The following MYH9 variants were observed in gnomAD, a reference collection of about 807,000 sequenced individuals.
MYH9 encodes myosin heavy chain 9.
Under a neutral mutation model 241.9 loss-of-function variants are expected in MYH9, and 29 were observed. The ratio of observed to expected loss-of-function variants is 0.12; its 90% CI spans 0.09 to 0.16. The LOEUF (loss-of-function observed/expected upper bound fraction) is 0.16, where lower values mean the gene tolerates loss of function less well. Among genes scored for constraint, MYH9 ranks in the 10% least tolerant of loss-of-function variants. MYH9 has a pLI of 1.00. For missense variants in MYH9, 1,803 were observed against 2,595.5 expected (o/e 0.69, Z 6.63); for synonymous variants, 1,047 against 1,062.6 (o/e 0.99, Z 0.29).
chr22:36,284,310 G>A (rs1374945475), intron 39 of MYH9, 45 bp from the exon 40 acceptor site: 2 of 1,604,414 alleles, frequency 1.2e-6, no homozygotes, highest in South Asian at 1.1e-5. Context: ...TAGGGGCTCT[G>A]GGCGTGCAGC....
At chr22:36,303,843 A>G (rs2016927402) in intron 19 of MYH9, 152 bp downstream of exon 19, 2 of 703,722 alleles carry the variant, frequency 2.8e-6, no homozygotes, top group Admixed American at 5.5e-5. Flanking sequence ...CCTCAAAGGT[A>G]GAAATCCAGG....
In MYH9 at chr22:36,300,009, C is replaced by A; in HGVS notation, c.2976+118G>T. 1 of 1,436,488 alleles carries A rather than the reference C, an allele frequency of 7.0e-7. No individual in the cohort carries two copies. Among genetic ancestry groups the A allele is most frequent in the Non-Finnish European group, 9.7e-7 (1 of 1,034,644 alleles). 89.0% of individuals were successfully genotyped at this position (1,436,488 alleles called of 1,614,324 possible). A position where few individuals can be genotyped will look rare whatever the true frequency, so the allele number is the denominator to read the frequency against. Reference sequence around the variant, plus strand: ...TTGCAGTTAAGCAGAAGCCCTCATGCTGCAGGCAGAAGAGACAGGAAGCAG... The same window carrying A: ...TTGCAGTTAAGCAGAAGCCCTCATGATGCAGGCAGAAGAGACAGGAAGCAG... On this transcript the variant is annotated intron_variant, in intron 23 of 40. Transcript: ENST00000216181. The surrounding 1 kb of genome is among the most constrained non-coding windows in gnomAD (Gnocchi z 5.0).
chr22:36,313,792 C>T (rs2146356373), intron 13 of MYH9, among the ~76,000 whole-genome samples: 1 of 152,304 alleles, frequency 6.6e-6, no homozygotes, highest in East Asian at 1.9e-4. Flanking sequence ...CCATGCATGG[C>T]TGTTTCTTTA....
Position 36,318,767 on chromosome 22 carries a change from CT to C in MYH9, c.1109-443del, listed in dbSNP as rs993771157. On this transcript the variant is annotated intron_variant, in intron 10 of 40. Transcript: ENST00000216181. The stretch of plus-strand genomic sequence containing the variant: ...ACAGCACAGGATCCCACAGGAATGT[CT>C]TTTTTTTTTTTTGAGACGGCGTCTT... Among the ~76,000 whole-genome samples, 245 of 145,678 alleles carry C rather than the reference CT, an allele frequency of 1.7e-3. 1 individual carries two copies. Among genetic ancestry groups the C allele is most frequent in the South Asian group, 1.9e-3 (9 of 4,620 alleles).
intron 19 of MYH9, 86 bp downstream of exon 19, chr22:36,303,909 G>T (rs1435862955): frequency 3.3e-6 from 5 of 1,511,296 alleles, no homozygotes; most frequent in African/African-American, 1.4e-5. Flanking sequence ...ACTGGCTGCA[G>T]CGGGGTGGCC....
rs1260647757 is a variant in MYH9 at position 36,306,889 on chromosome 22, A to G, written c.1844-282T>C. 1.3e-5 allele frequency among the ~76,000 whole-genome samples: 2 copies of G among 152,158 alleles called. No individual in the cohort carries two copies. Among genetic ancestry groups the G allele is most frequent in the African/African-American group, 4.8e-5 (2 of 41,432 alleles). ...GTCACCTATCTTCAGCCACTCTCGA[A>G]GCTCTTATTTCCAAAAAGACTCAAT... On this transcript the variant is annotated intron_variant, in intron 15 of 40. Coordinates refer to ENST00000216181, the MANE Select transcript of MYH9 (RefSeq NM_002473.6). The surrounding 1 kb of genome is among the most constrained non-coding windows in gnomAD (Gnocchi z 4.1).
Position 36,284,005 on chromosome 22 carries a change from G to A in MYH9, c.5765+88C>T, listed in dbSNP as rs2016535922. ...GTGCAGTCCTTTCTTGGTGACATTC[G>A]TGCCTTGCTTGTGGGCTCTGGTTGA... On this transcript the variant is annotated intron_variant, in intron 40 of 40. Transcript: ENST00000216181. 9.9e-6 allele frequency: 15 copies of A among 1,509,270 alleles called. 1 individual carries two copies. In the Middle Eastern group the frequency reaches 5.1e-4, roughly 51 times the overall value. 93.5% of individuals were successfully genotyped at this position (1,509,270 alleles called of 1,614,324 possible). A position where few individuals can be genotyped will look rare whatever the true frequency, so the allele number is the denominator to read the frequency against.
Position 36,385,553 on chromosome 22 carries a change from T to C in MYH9, c.-20+2254A>G, listed in dbSNP as rs150849160. On this transcript the variant is annotated intron_variant, in intron 1 of 40. Transcript: ENST00000216181. ...AGAAGTTGTCCCATCTCCAACCCCT[T>C]AGGTTAAAAAGTTTAAAAATAAAAG... is the stretch of plus-strand genomic sequence containing the variant. 3.3e-4 allele frequency among the ~76,000 whole-genome samples: 50 copies of C among 152,236 alleles called. No homozygotes were observed. The East Asian group carries it at 8.5e-3, about 26-fold the overall frequency.
intron 1 of MYH9, among the ~76,000 whole-genome samples, chr22:36,379,382 G>A (rs1445795950): frequency 5.9e-5 from 9 of 152,214 alleles, no homozygotes; most frequent in Non-Finnish European, 1.0e-4. Flanking sequence ...GGTGGCGGGT[G>A]CCTGTAGTCC....
At position 36,361,350 on chromosome 22, in the gene MYH9, C is replaced by T. The variant is rs187838123; in HGVS notation, c.-19-12095G>A. Among the ~76,000 whole-genome samples, 35 of 152,194 alleles carry T rather than the reference C, an allele frequency of 2.3e-4. 1 individual carries two copies. The East Asian group carries it at 5.8e-3, about 25-fold the overall frequency. On this transcript the variant is annotated intron_variant, in intron 1 of 40. Coordinates refer to ENST00000216181, the MANE Select transcript of MYH9 (RefSeq NM_002473.6). ...AGGTTCTGCCTTTGCCTCCTTGAAG[C>T]GGGCATGGAGGGGGGCTCAGGTGAC...
intron 25 of MYH9, 134 bp downstream of exon 25, chr22:36,296,709 G>C (rs925136110): frequency 1.9e-6 from 2 of 1,041,000 alleles, no homozygotes; most frequent in African/African-American, 3.2e-5. Flanking sequence ...GTTTTGCTAT[G>C]AAATAAATGG....
chr22:36,282,782 G>A lies in MYH9; in HGVS notation c.5769C>T (p.Arg1923=), dbSNP rs370834297. Residue 1923 remains arginine (R), a synonymous_variant, in exon 41 of 41, where the codon CGC becomes CGT. Transcript: ENST00000216181. Reference sequence around the variant, plus strand: ...GGGGCACGACAAACGGCAGGTCCCCGCGCCTGGGGGCAGAGGTAGAAGCAG... The same window carrying A: ...GGGGCACGACAAACGGCAGGTCCCCACGCCTGGGGGCAGAGGTAGAAGCAG... ...EVSSLKNKLR[R]GDLPFVVPRR... 23 of 1,608,736 alleles carry A rather than the reference G, an allele frequency of 1.4e-5. No individual in the cohort carries two copies. The highest frequency in any genetic ancestry group is 4.5e-5 in the East Asian group (2 of 44,876).
At chr22:36,367,887 A>C (rs2018034523) in intron 1 of MYH9, among the ~76,000 whole-genome samples, 1 of 152,220 alleles carries the variant, frequency 6.6e-6, no homozygotes, top group African/African-American at 2.4e-5. Context: ...AGATGGGTGC[A>C]TACAGACTTG....
intron 1 of MYH9, among the ~76,000 whole-genome samples, chr22:36,361,405 G>T (rs916725104): frequency 6.6e-6 from 1 of 152,164 alleles, no homozygotes; most frequent in Non-Finnish European, 1.5e-5. Flanking sequence ...AATGAAAGAT[G>T]ATGGCATTTG....
chr22:36,356,349 G>A (rs1477760684), intron 1 of MYH9, among the ~76,000 whole-genome samples: 2 of 152,086 alleles, frequency 1.3e-5, no homozygotes, highest in African/African-American at 4.8e-5. Flanking sequence ...GGGAGGCTGA[G>A]GCGAGTGGAT....
Position 36,285,812 on chromosome 22 carries a change from T to C in MYH9, c.5151-31A>G, listed in dbSNP as rs765500103. On this transcript the variant is annotated intron_variant, in intron 36 of 40. Coordinates refer to ENST00000216181, the MANE Select transcript of MYH9 (RefSeq NM_002473.6). The surrounding 1 kb of genome is among the most constrained non-coding windows in gnomAD (Gnocchi z 7.0). ...GGGTGGGCGGGAGAAGTGAGGGGCC[T>C]ACCCTGGGGACACACCTGGTCCCCC... The C allele has an allele frequency of 8.1e-6, 13 of 1,612,722 alleles. No homozygotes were observed. Among genetic ancestry groups the C allele is most frequent in the Non-Finnish European group, 2.5e-6 (3 of 1,179,696 alleles).
chr22:36,297,272 T>C (rs2016803462), intron 24 of MYH9: 6 of 532,188 alleles, frequency 1.1e-5, no homozygotes, highest in South Asian at 1.1e-4. Context: ...AAGCTGGTGT[T>C]TGTAATTCCC....
chr22:36,360,802 G>T (rs1980929080), intron 1 of MYH9, among the ~76,000 whole-genome samples: 1 of 152,194 alleles, frequency 6.6e-6, no homozygotes, highest in African/African-American at 2.4e-5. Flanking sequence ...CTCCATGCTG[G>T]TCTGGGAAAT....
At chr22:36,378,585 T>C (rs2018207843) in intron 1 of MYH9, among the ~76,000 whole-genome samples, 1 of 152,162 alleles carries the variant, frequency 6.6e-6, no homozygotes, top group Non-Finnish European at 1.5e-5. Context: ...CCCACCCTGC[T>C]GCCTGGCACC....
Sources: allele counts gnomAD v4.1 joint callset (sites outside exome capture counted in the v4.1 genomes callset), GRCh38; gene constraint gnomAD v4.1.1; non-coding constraint Gnocchi (gnomAD v3.1); transcripts MANE v1.5; gene names NCBI Gene and HGNC (gene_info 2026-07-23, HGNC 2026-07-21).